Variants in NR5A2 observed in about 807,000 individuals in gnomAD.
The protein encoded by NR5A2 is nuclear receptor subfamily 5 group A member 2, also known as CYP7A promoter-binding factor.
NR5A2 carries 26 observed loss-of-function variants against 62.7 expected under a neutral mutation model. The observed-to-expected ratio is 0.41, with a 90% CI of 0.30 to 0.58. The LOEUF is 0.58. Ranked by LOEUF, NR5A2 falls within the 20% of genes least tolerant of loss-of-function variation. The pLI, the probability that NR5A2 is intolerant of heterozygous loss-of-function variation, is 0.22. For missense variants in NR5A2, 541 were observed against 669.1 expected, an observed-to-expected ratio of 0.81 and a Z score of 2.11; for synonymous variants, 246 against 241.7, an observed-to-expected ratio of 1.02 and a Z score of -0.16.
intron 5 of NR5A2, among the ~76,000 whole-genome samples, chr1:200,058,773 TG>T (rs1663046761): frequency 6.8e-6 from 1 of 147,288 alleles, no homozygotes; most frequent in Non-Finnish European, 1.5e-5. Context: ...ACCACCGCGC[TG>T]GGCTGGGTTT....
chr1:200,137,457 C>T (rs1202538310), intron 7 of NR5A2, among the ~76,000 whole-genome samples: 1 of 152,020 alleles, frequency 6.6e-6, no homozygotes, highest in Non-Finnish European at 1.5e-5. Flanking sequence ...TGAGCCACCA[C>T]ACCTGGCCCA....
chr1:200,043,864 A>G lies in NR5A2; in HGVS notation c.293A>G (p.Tyr98Cys). 6.2e-7 allele frequency: 1 copy of G among 1,613,370 alleles called. No homozygotes were observed. Among genetic ancestry groups the G allele is most frequent in the Non-Finnish European group, 8.5e-7 (1 of 1,179,396 alleles). Reference protein sequence around the residue: ...VCGDKVSGYHYGLLTCESCKG... With the variant: ...VCGDKVSGYHCGLLTCESCKG... ...GGAGATAAAGTGTCTGGGTACCATT[A>G]TGGGCTCCTCACCTGTGAAAGCTGC... Residue 98 changes from tyrosine (Y) to cysteine (C), a missense_variant, in exon 3 of 8, where the codon TAT becomes TGT. Coordinates refer to ENST00000367362, the MANE Select transcript of NR5A2 (RefSeq NM_205860.3).
chr1:200,029,190 G>T (rs1386731812), intron 1 of NR5A2: 1 of 362,436 alleles, frequency 2.8e-6, no homozygotes. Context: ...CAGCTAGAGC[G>T]CGCTCGGGCC....
chr1:200,036,629 T>C (rs1661790091), intron 1 of NR5A2, among the ~76,000 whole-genome samples: 1 of 152,194 alleles, frequency 6.6e-6, no homozygotes, highest in Non-Finnish European at 1.5e-5. Flanking sequence ...CAGTGGAAGA[T>C]TCCTTGCCTT....
chr1:200,033,732 T>C (rs141108748), intron 1 of NR5A2, among the ~76,000 whole-genome samples: 1 of 152,300 alleles, frequency 6.6e-6, no homozygotes, highest in African/African-American at 2.4e-5. Context: ...GTTATCACCA[T>C]GTTGGAAAAG....
intron 7 of NR5A2, among the ~76,000 whole-genome samples, chr1:200,136,286 T>A (rs545509191): frequency 6.6e-6 from 1 of 152,052 alleles, no homozygotes; most frequent in South Asian, 2.1e-4. Context: ...TGGTGCAATC[T>A]CTGCTCACCG....
intron 7 of NR5A2, among the ~76,000 whole-genome samples, chr1:200,163,265 C>CAAAAA (rs374872273): frequency 5.7e-5 from 5 of 88,002 alleles, no homozygotes; most frequent in African/African-American, 1.6e-4. Context: ...ATGTCAAAGG[C>CAAAAA]AAAAAAAAAA....
At chr1:200,040,072 A>C (rs761492807) in intron 2 of NR5A2, among the ~76,000 whole-genome samples, 1 of 152,246 alleles carries the variant, frequency 6.6e-6, no homozygotes, top group African/African-American at 2.4e-5. Flanking sequence ...GGGCAGCTTC[A>C]GGCTAAAGGT....
chr1:200,048,933 A>G lies in NR5A2; in HGVS notation c.1110+115A>G. On this transcript the variant is annotated intron_variant, in intron 5 of 7. Transcript: ENST00000367362. This position sits in a 1 kb window ranked among gnomAD's most constrained non-coding sequence, Gnocchi z 4.8. ...TGTGTTCCTTAATTTTCTACTTTGT[A>G]TGATTTACAGAGTAGACGTAATTTT... is the stretch of plus-strand genomic sequence containing the variant. 2 of 1,310,584 alleles carry G rather than the reference A, an allele frequency of 1.5e-6. No homozygotes were observed. The highest frequency in any genetic ancestry group is 2.1e-5 in the Admixed American group (1 of 46,800). 81.2% of individuals were successfully genotyped at this position (1,310,584 alleles called of 1,614,324 possible). A position where few individuals can be genotyped will look rare whatever the true frequency, so the allele number is the denominator to read the frequency against.
At chr1:200,038,838 G>T (rs1465906887) in intron 1 of NR5A2, 4 of 1,110,606 alleles carry the variant, frequency 3.6e-6, no homozygotes, top group Non-Finnish European at 4.8e-6. Context: ...GGGTGAGGCG[G>T]GGTGAAGAGG....
chr1:200,115,938 CTT>C (rs1187456091), intron 6 of NR5A2, among the ~76,000 whole-genome samples: 2 of 151,776 alleles, frequency 1.3e-5, no homozygotes, highest in African/African-American at 4.8e-5. Flanking sequence ...CTAGATGAAA[CTT>C]TAACTAAACT....
intron 7 of NR5A2, among the ~76,000 whole-genome samples, chr1:200,125,659 G>A (rs528246852): frequency 9.2e-5 from 14 of 152,228 alleles, no homozygotes; most frequent in Admixed American, 5.9e-4. Context: ...GTCTAGTCAT[G>A]ATTTCTTTAT....
intron 2 of NR5A2, among the ~76,000 whole-genome samples, chr1:200,041,070 G>C (rs867585235): frequency 1.3e-5 from 2 of 152,256 alleles, no homozygotes; most frequent in Middle Eastern, 6.8e-3. Flanking sequence ...GTGGGGCATC[G>C]GGGAAGTGGC....
intron 5 of NR5A2, among the ~76,000 whole-genome samples, chr1:200,107,303 CTT>C (rs5780011): frequency 6.8e-6 from 1 of 146,130 alleles, no homozygotes; most frequent in Non-Finnish European, 1.5e-5. Context: ...TATTAAGTGG[CTT>C]TTTTTTTTTT....
At chr1:200,061,569 C>T (rs138006287) in intron 5 of NR5A2, among the ~76,000 whole-genome samples, 14 of 152,300 alleles carry the variant, frequency 9.2e-5, no homozygotes, top group South Asian at 4.1e-4. Flanking sequence ...TGAGCCACTG[C>T]GCCCGACCCG....
intron 5 of NR5A2, among the ~76,000 whole-genome samples, chr1:200,085,759 TG>T (rs1478597596): frequency 6.6e-6 from 1 of 152,118 alleles, no homozygotes. Flanking sequence ...GCGATTTTTG[TG>T]GGGAATGTGT....
At chr1:200,157,830 A>AT (rs1312351024) in intron 7 of NR5A2, among the ~76,000 whole-genome samples, 4 of 152,154 alleles carry the variant, frequency 2.6e-5, no homozygotes, top group Admixed American at 2.0e-4. Flanking sequence ...CCACTGCATG[A>AT]TTTTTCCCCC....
At chr1:200,094,618 T>C (rs1664989476) in intron 5 of NR5A2, among the ~76,000 whole-genome samples, 1 of 139,632 alleles carries the variant, frequency 7.2e-6, no homozygotes, top group Admixed American at 7.9e-5. Context: ...CTGCAAGCTC[T>C]GCCTCCTGGG....
intron 7 of NR5A2, among the ~76,000 whole-genome samples, chr1:200,125,157 C>T (rs1165719830): frequency 2.6e-5 from 4 of 152,078 alleles, no homozygotes; most frequent in Admixed American, 1.3e-4. Flanking sequence ...GGAAAGCTAA[C>T]GTGAAGAAAA....
Sources: gnomAD v4.1 joint callset for allele counts (sites outside exome capture counted in the v4.1 genomes callset) on GRCh38, gnomAD v4.1.1 for gene constraint, Gnocchi (gnomAD v3.1) non-coding constraint, MANE v1.5 for transcripts, NCBI Gene and HGNC (gene_info 2026-07-23, HGNC 2026-07-21) for gene names.